AKAP6: variants seen among roughly 807,000 people sequenced by gnomAD.
AKAP6 encodes A-kinase anchor protein 6.
AKAP6 carries 58 observed loss-of-function variants against 188.5 expected under a neutral mutation model. The ratio of observed to expected loss-of-function variants is 0.31; its 90% CI spans 0.25 to 0.38. AKAP6 has a LOEUF of 0.38. AKAP6 is among the 10% of genes least tolerant of loss of function. The probability of loss-of-function intolerance (pLI) is 1.00; values close to 1 mark genes in which losing one functional copy is unlikely to be tolerated. For missense variants in AKAP6, 2,710 were observed against 2,740.0 expected (o/e 0.99, Z 0.24); for synonymous variants, 989 against 998.6 (o/e 0.99, Z 0.18).
intron 7 of AKAP6, among the ~76,000 whole-genome samples, chr14:32,646,550 C>G (rs1228175886): frequency 6.6e-6 from 1 of 152,142 alleles, no homozygotes; most frequent in African/African-American, 2.4e-5. Flanking sequence ...ATTCTAATGG[C>G]TGAACTAGCA....
rs375633052 is a variant in AKAP6, at chr14:32,821,806, A to G, written c.3993A>G (p.Ser1331=). The G allele has an allele frequency of 8.7e-6, 14 of 1,613,660 alleles. No individual in the cohort carries two copies. Among genetic ancestry groups the G allele is most frequent in the Non-Finnish European group, 1.2e-5 (14 of 1,179,894 alleles). ...TKSLSKDSSF[S]STKSLPDLLG... ...GTCTCAGTAAAGACTCTTCATTTTC[A>G]TCTACCAAATCTTTGCCAGATCTTC... is the stretch of plus-strand genomic sequence containing the variant. Residue 1331 remains serine (S), a synonymous_variant, in exon 13 of 14, where the codon TCA becomes TCG. Coordinates refer to ENST00000280979, the MANE Select transcript of AKAP6 (RefSeq NM_004274.5).
At chr14:32,744,521 C>T (rs1222048624) in intron 11 of AKAP6, among the ~76,000 whole-genome samples, 28 of 152,110 alleles carry the variant, frequency 1.8e-4, no homozygotes, top group South Asian at 4.2e-4. Flanking sequence ...TTTCACTGCA[C>T]TAGCCAGGAT....
chr14:32,520,768 A>G (rs1384938071), intron 2 of AKAP6, among the ~76,000 whole-genome samples: 1 of 152,176 alleles, frequency 6.6e-6, no homozygotes, highest in Admixed American at 6.6e-5. Context: ...CAGAGGTACA[A>G]AGTGGAGCTG....
At chr14:32,657,925 T>C (rs748412811) in intron 7 of AKAP6, among the ~76,000 whole-genome samples, 1 of 152,178 alleles carries the variant, frequency 6.6e-6, no homozygotes, top group Non-Finnish European at 1.5e-5. Flanking sequence ...ATGCCAATTT[T>C]ATATTTAACA....
At chr14:32,815,221 T>A (rs1048152649) in intron 12 of AKAP6, among the ~76,000 whole-genome samples, 1 of 152,234 alleles carries the variant, frequency 6.6e-6, no homozygotes, top group Non-Finnish European at 1.5e-5. Context: ...ACTTTGGATT[T>A]TACTTGTCTG....
chr14:32,678,210 A>T, intron 7 of AKAP6, 101 bp from the exon 8 acceptor site: 1 of 1,275,960 alleles, frequency 7.8e-7, no homozygotes, highest in Non-Finnish European at 1.1e-6. Context: ...AAGGAGCACT[A>T]TAATGATGTG....
intron 2 of AKAP6, among the ~76,000 whole-genome samples, chr14:32,506,479 A>C (rs897263256): frequency 3.3e-5 from 5 of 152,160 alleles, no homozygotes; most frequent in Non-Finnish European, 5.9e-5. Context: ...TGGTCACCCC[A>C]TAGTAGAGCA....
intron 2 of AKAP6, among the ~76,000 whole-genome samples, chr14:32,515,847 CTG>C (rs1881494859): frequency 6.6e-6 from 1 of 152,176 alleles, no homozygotes; most frequent in South Asian, 2.1e-4. Flanking sequence ...GTACTAAACT[CTG>C]TGAAGCAAAA....
chr14:32,531,642 T>G (rs1268940503), intron 2 of AKAP6, among the ~76,000 whole-genome samples: 1 of 152,206 alleles, frequency 6.6e-6, no homozygotes, highest in East Asian at 1.9e-4. Flanking sequence ...TTTAGAATCA[T>G]GCCCTCCCCA....
intron 7 of AKAP6, among the ~76,000 whole-genome samples, chr14:32,603,023 C>T (rs565561323): frequency 6.6e-6 from 1 of 152,024 alleles, no homozygotes; most frequent in Non-Finnish European, 1.5e-5. Context: ...TGTGATGTGC[C>T]GTGAAAGGAA....
chr14:32,523,726 T>C (rs1881979000), intron 2 of AKAP6, among the ~76,000 whole-genome samples: 1 of 145,744 alleles, frequency 6.9e-6, no homozygotes, highest in Non-Finnish European at 1.5e-5. Context: ...CCTCAGCCTC[T>C]CAAAGTGCCA....
intron 9 of AKAP6, among the ~76,000 whole-genome samples, chr14:32,721,339 G>A (rs901689993): frequency 2.0e-5 from 3 of 152,158 alleles, no homozygotes; most frequent in East Asian, 1.9e-4. Context: ...GCACATCTTC[G>A]ATATCTACCG....
chr14:32,545,189 G>A, intron 3 of AKAP6, 41 bp from the exon 4 acceptor site: 1 of 1,557,086 alleles, frequency 6.4e-7, no homozygotes, highest in South Asian at 1.2e-5. Flanking sequence ...TGTTGTAATT[G>A]ATGTTGCATT....
At chr14:32,768,689 A>G (rs930529278) in intron 11 of AKAP6, among the ~76,000 whole-genome samples, 3 of 152,182 alleles carry the variant, frequency 2.0e-5, no homozygotes, top group Non-Finnish European at 4.4e-5. Flanking sequence ...TAAAAAGTCT[A>G]CTCAGCTAGA....
chr14:32,582,631 A>G (rs1407530756), intron 5 of AKAP6, among the ~76,000 whole-genome samples: 1 of 152,088 alleles, frequency 6.6e-6, no homozygotes, highest in Non-Finnish European at 1.5e-5. Context: ...TACACCAATC[A>G]GACGTAGATT....
chr14:32,814,420 C>T (rs960787131), intron 12 of AKAP6, among the ~76,000 whole-genome samples: 4 of 152,300 alleles, frequency 2.6e-5, no homozygotes, highest in South Asian at 4.1e-4. Flanking sequence ...CCTCCCCGCC[C>T]GCAGGCCCTG....
intron 12 of AKAP6, among the ~76,000 whole-genome samples, chr14:32,775,113 C>T (rs758613675): frequency 2.6e-5 from 4 of 152,156 alleles, no homozygotes; most frequent in Non-Finnish European, 4.4e-5. Context: ...TCAGAGTCAA[C>T]ATAATTAGAT....
intron 12 of AKAP6, among the ~76,000 whole-genome samples, chr14:32,801,410 C>T (rs2033945307): frequency 6.6e-6 from 1 of 152,170 alleles, no homozygotes; most frequent in African/African-American, 2.4e-5. Context: ...GTGCGGTTAA[C>T]TTATAACAGA....
chr14:32,617,640 T>C (rs535310682), intron 7 of AKAP6, among the ~76,000 whole-genome samples: 109 of 152,320 alleles, frequency 7.2e-4, no homozygotes, highest in African/African-American at 2.5e-3. Context: ...TTTTGTTTTG[T>C]TTTGAGACAG....
Sources: gnomAD v4.1 joint callset for allele counts (sites outside exome capture counted in the v4.1 genomes callset) on GRCh38, gnomAD v4.1.1 for gene constraint, MANE v1.5 for transcripts, NCBI Gene and HGNC (gene_info 2026-07-23, HGNC 2026-07-21) for gene names.